Variants in MRPL51 observed in about 807,000 individuals in gnomAD.
The protein encoded by MRPL51 is mitochondrial ribosomal protein L51, also known as large ribosomal subunit protein mL51.
In MRPL51, 6 loss-of-function variants were observed where a neutral mutation model predicts 15.0. The ratio of observed to expected loss-of-function variants is 0.40; its 90% CI spans 0.22 to 0.79. The LOEUF (loss-of-function observed/expected upper bound fraction) is 0.79, where lower values mean the gene tolerates loss of function less well. Among genes scored for constraint, MRPL51 ranks in the 30% least tolerant of loss-of-function variants. The pLI is 0.36. For synonymous variants in MRPL51, 65 were observed against 58.3 expected (o/e 1.11, Z -0.52); for missense variants, 155 against 166.4 (o/e 0.93, Z 0.38).
In MRPL51 at chr12:6,492,420, G is replaced by A; in HGVS notation, c.238C>T (p.Leu80Phe). Residue 80 changes from leucine to phenylalanine, a missense_variant, in exon 3 of 3, where the codon CTT becomes TTT. Leu to Phe is a conservative substitution (Grantham distance 22). Coordinates refer to ENST00000229238, the MANE Select transcript of MRPL51 (RefSeq NM_016497.4). ...AATTCATTCCCTTTCCAACCTCGAA[G>A]CCATATGGGCCCCCTGATCAGTTCT... ...PKELIRGPIWLRGWKGNELQR... is the reference protein window; with the variant it reads ...PKELIRGPIWFRGWKGNELQR... The A allele has an allele frequency of 6.2e-7, 1 of 1,613,524 alleles. No individual in the cohort carries two copies.
chr12:6,492,767 A>G (rs1289837569), intron 2 of MRPL51, 95 bp downstream of exon 2: 9 of 1,249,988 alleles, frequency 7.2e-6, no homozygotes, highest in Non-Finnish European at 1.1e-5. Flanking sequence ...CTTACTATTG[A>G]GCACAGTACC....
rs1466138158 is a variant in MRPL51 at position 6,492,446 on chromosome 12, T to C, written c.212A>G (p.Lys71Arg). ...CCATATGGGCCCCCTGATCAGTTCT[T>C]TGGGGTGCTTTTCAAAGTTTCCTGT... ...GILGNFEKHP[K>R]ELIRGPIWLR... Residue 71 changes from lysine (K) to arginine (R), a missense_variant, in exon 3 of 3, where the codon AAA becomes AGA. By Grantham distance (26) the Lys-to-Arg change is conservative. Transcript: ENST00000229238. The C allele has an allele frequency of 1.2e-6, 2 of 1,603,640 alleles. No homozygotes were observed. Among genetic ancestry groups the C allele is most frequent in the Non-Finnish European group, 1.7e-6 (2 of 1,176,716 alleles).
In MRPL51 at chr12:6,492,794, G is replaced by A. The variant is rs71579342; in HGVS notation, c.190+68C>T. ...CACAGTACCACTCTCTACACAGGAG[G>A]AAAAGATAGTCGTTACAGCCTAATT... On this transcript the variant is annotated intron_variant, in intron 2 of 2. Coordinates refer to ENST00000229238, the MANE Select transcript of MRPL51 (RefSeq NM_016497.4). 11,910 of 1,451,602 alleles carry A rather than the reference G, an allele frequency of 8.2e-3. 75 individuals carry two copies. Among genetic ancestry groups the A allele is most frequent in the Middle Eastern group, 0.021 (119 of 5,764 alleles). 89.9% of individuals were successfully genotyped at this position (1,451,602 alleles called of 1,614,324 possible).
rs371441476 is a variant in MRPL51 at position 6,492,442 on chromosome 12, T to C, written c.216A>G (p.Glu72=). Residue 72 remains glutamate (E), a synonymous_variant, in exon 3 of 3, where the codon GAA becomes GAG. Transcript: ENST00000229238. ...ILGNFEKHPK[E]LIRGPIWLRG... ...GAAGCCATATGGGCCCCCTGATCAG[T>C]TCTTTGGGGTGCTTTTCAAAGTTTC... 11 of 1,604,306 alleles carry C rather than the reference T, an allele frequency of 6.9e-6. No homozygotes were observed. The South Asian group carries it at 1.2e-4, about 18-fold the overall frequency.
chr12:6,492,744 A>G (rs375043795), intron 2 of MRPL51, 118 bp downstream of exon 2: 33 of 1,020,514 alleles, frequency 3.2e-5, no homozygotes, highest in Middle Eastern at 2.2e-4. Flanking sequence ...AAACAGCTAC[A>G]TAAGTGTTTG....
At position 6,492,929 on chromosome 12, in the gene MRPL51, G is replaced by T. The variant is rs761489621; in HGVS notation, c.123C>A (p.Pro41=). ...TCTCGTTCCAACGATCAACCACTTT[G>T]GGGGGCGGGAGAGTGAGCCTTATAC... ...LIGIRLTLPP[P]KVVDRWNEKR... is the part of the protein sequence containing the mutation. The change falls in exon 2 of 3, where the codon CCC becomes CCA. Residue 41 remains proline (P), a synonymous_variant. Coordinates refer to ENST00000229238, the MANE Select transcript of MRPL51 (RefSeq NM_016497.4). 1 of 1,613,874 alleles carries T rather than the reference G, an allele frequency of 6.2e-7. No individual in the cohort carries two copies. Among genetic ancestry groups the T allele is most frequent in the African/African-American group, 1.3e-5 (1 of 74,876 alleles).
rs1276129053 is a variant in MRPL51 at position 6,492,510 on chromosome 12, C to T, written c.191-43G>A. Reference sequence around the variant, plus strand: ...ACACATTAGATCCAAGACAAGAGAACTCATCCTACACCAGCTAAGCTTTCA... The same window carrying T: ...ACACATTAGATCCAAGACAAGAGAATTCATCCTACACCAGCTAAGCTTTCA... On this transcript the variant is annotated intron_variant, in intron 2 of 2. Transcript: ENST00000229238. 1.9e-6 allele frequency: 3 copies of T among 1,547,866 alleles called. 1 individual carries two copies. The highest frequency in any genetic ancestry group is 2.5e-5 in the South Asian group (2 of 80,350).
At chr12:6,493,008 G>A (rs762077729) in intron 1 of MRPL51, 36 bp from the exon 2 acceptor site, 12 of 1,613,230 alleles carry the variant, frequency 7.4e-6, no homozygotes, top group Admixed American at 1.7e-5. Context: ...AATCTGAGCC[G>A]CCTATTATAC....
chr12:6,492,607 T>A, intron 2 of MRPL51, 140 bp from the exon 3 acceptor site: 1 of 945,092 alleles, frequency 1.1e-6, no homozygotes, highest in Non-Finnish European at 1.6e-6. Context: ...TAGCACAGAC[T>A]CTGGAGCCAG....
In MRPL51 at chr12:6,493,185, T is replaced by C. The variant is rs750683019; in HGVS notation, c.-49A>G. ...AGCACACCAAATAAGCCCAAGAAGA[T>C]GACAGGAACCGTCCCCGCCAACTTC... On this transcript the variant is annotated 5_prime_UTR_variant, in exon 1 of 3. Transcript: ENST00000229238. The C allele has an allele frequency of 3.5e-5, 56 of 1,601,578 alleles. No individual in the cohort carries two copies. The highest frequency in any genetic ancestry group is 4.6e-5 in the Non-Finnish European group (54 of 1,172,064).
intron 1 of MRPL51, 37 bp from the exon 2 acceptor site, chr12:6,493,009 CCTATTATA>C (rs1945937329): frequency 6.2e-7 from 1 of 1,613,542 alleles, no homozygotes. Context: ...ATCTGAGCCG[CCTATTATA>C]CTACGAAGCA....
In MRPL51 at chr12:6,492,275, C is replaced by G. The variant is rs776718738; in HGVS notation, c.383G>C (p.Arg128Pro). 41 of 1,593,410 alleles carry G rather than the reference C, an allele frequency of 2.6e-5. No individual in the cohort carries two copies. The highest frequency in any genetic ancestry group is 5.1e-6 in the Non-Finnish European group (6 of 1,171,336). The stretch of plus-strand genomic sequence containing the variant: ...CGAAGTTCTCAGCTTTCTCTTCTAT[C>G]GAAACTTCCCATGTCGGTTAAAGTG... ...YKHFNRHGKFR is the reference protein window; with the variant it reads ...YKHFNRHGKFP Residue 128 changes from arginine to proline, a missense_variant, in exon 3 of 3, where the codon CGA becomes CCA. Physicochemically the swap from Arg to Pro is moderately radical, Grantham distance 103 (BLOSUM62 -2). Transcript: ENST00000229238.
At chr12:6,492,712 A>T in intron 2 of MRPL51, 150 bp downstream of exon 2, 1 of 853,686 alleles carries the variant, frequency 1.2e-6, no homozygotes, top group Non-Finnish European at 1.8e-6. Flanking sequence ...GAGGGGACTC[A>T]GAACAGTGCC....
rs1592161427 is a variant in MRPL51, at chr12:6,493,257, A to G, written c.-121T>C. 22 of 1,067,364 alleles carry G rather than the reference A, an allele frequency of 2.1e-5. No homozygotes were observed. The East Asian group carries it at 5.7e-4, about 28-fold the overall frequency. 66.1% of individuals were successfully genotyped at this position (1,067,364 alleles called of 1,614,324 possible). ...CAGCCATCTTGGGCCTTACCCAGGC[A>G]GCTGTGGGCGCACCGCCCACCTACG... On this transcript the variant is annotated 5_prime_UTR_variant, in exon 1 of 3. Coordinates refer to ENST00000229238, the MANE Select transcript of MRPL51 (RefSeq NM_016497.4).
chr12:6,492,393 G>GCAAT lies in MRPL51; in HGVS notation c.261_264dup (p.Gln89IlefsTer14). ...ATTTTCCTCTTTCGGATACAACGTT[G>GCAAT]CAATTCATTCCCTTTCCAACCTCGA... On this transcript the variant is annotated frameshift_variant, in exon 3 of 3. Coordinates refer to ENST00000229238, the MANE Select transcript of MRPL51 (RefSeq NM_016497.4). LOFTEE classifies it high-confidence loss of function. 6.2e-7 allele frequency: 1 copy of GCAAT among 1,614,140 alleles called. No individual in the cohort carries two copies. The highest frequency in any genetic ancestry group is 8.5e-7 in the Non-Finnish European group (1 of 1,180,022).
chr12:6,492,887 TCCGA>T lies in MRPL51; in HGVS notation c.161_164del (p.Phe54Ter). ...CCAGGATCCCGATGTTGTCATACACTCCGAACATGGCCCTTTTCTCGTTCCAACG... is the reference window on the plus strand; with the variant it reads ...CCAGGATCCCGATGTTGTCATACACTACATGGCCCTTTTCTCGTTCCAACG... On this transcript the variant is annotated frameshift_variant, in exon 2 of 3. Transcript: ENST00000229238. LOFTEE classifies it high-confidence loss of function. 1 of 1,613,652 alleles carries T rather than the reference TCCGA, an allele frequency of 6.2e-7. No individual in the cohort carries two copies. The highest frequency in any genetic ancestry group is 8.5e-7 in the Non-Finnish European group (1 of 1,179,640).
intron 2 of MRPL51, 127 bp from the exon 3 acceptor site, chr12:6,492,594 C>T: frequency 1.0e-6 from 1 of 994,404 alleles, no homozygotes. Context: ...CAGTACAGAA[C>T]AATAGCACAG....
Position 6,492,168 on chromosome 12 carries a change from T to G in MRPL51, c.*103A>C. The G allele has an allele frequency of 7.9e-7, 1 of 1,269,108 alleles. No homozygotes were observed. The highest frequency in any genetic ancestry group is 1.1e-6 in the Non-Finnish European group (1 of 918,712). 78.6% of individuals were successfully genotyped at this position (1,269,108 alleles called of 1,614,324 possible). On this transcript the variant is annotated 3_prime_UTR_variant, in exon 3 of 3. Transcript: ENST00000229238. ...TATCAAATTCCAAAGAAGCCCCATT[T>G]TATTACAGAGAAAATACAAAGCCGT...
chr12:6,492,558 G>C, intron 2 of MRPL51, 91 bp from the exon 3 acceptor site: 1 of 1,299,770 alleles, frequency 7.7e-7, no homozygotes, highest in Non-Finnish European at 1.1e-6. Flanking sequence ...ATCTTGCTGA[G>C]CAGCACCTAT....
Sources: allele counts gnomAD v4.1 joint callset, GRCh38; gene constraint gnomAD v4.1.1; transcripts MANE v1.5; gene names NCBI Gene and HGNC (gene_info 2026-07-23, HGNC 2026-07-21).